Variants in MARCHF11 observed in about 807,000 individuals in gnomAD.
MARCHF11 encodes the protein membrane associated ring-CH-type finger 11, also known as E3 ubiquitin-protein ligase MARCHF11.
Under a neutral mutation model 37.3 loss-of-function variants are expected in MARCHF11, and 29 were observed. That is an observed-to-expected ratio of 0.78 (90% CI 0.58 to 1.06). The LOEUF is 1.06. MARCHF11 is among the 50% of genes least tolerant of loss of function. The pLI is 0.00. For synonymous variants in MARCHF11, 233 were observed against 228.0 expected (o/e 1.02, Z -0.20); for missense variants, 482 against 533.4 (o/e 0.90, Z 0.95).
rs557932082 is a variant in MARCHF11 at position 16,072,491 on chromosome 5, G to GCT, written c.887-4700_887-4699dup. Among the ~76,000 whole-genome samples the GCT allele has an allele frequency of 6.8e-3, 966 of 142,582 alleles. 16 individuals carry two copies. Among genetic ancestry groups the GCT allele is most frequent in the African/African-American group, 0.024 (882 of 36,810 alleles). 93.5% of individuals were successfully genotyped at this position (142,582 alleles called of 152,430 possible). ...TACTACAAAAAGAAGAGACATCAGT[G>GCT]CTCTCTCTCTCTCTCACTCTGTGTG... On this transcript the variant is annotated intron_variant, in intron 3 of 3. Coordinates refer to ENST00000332432, the MANE Select transcript of MARCHF11 (RefSeq NM_001102562.3).
chr5:16,145,549 A>G (rs1008395397), intron 2 of MARCHF11, among the ~76,000 whole-genome samples: 1 of 152,194 alleles, frequency 6.6e-6, no homozygotes, highest in African/African-American at 2.4e-5. Context: ...ATTTTATTAT[A>G]GCAATCCAAG....
chr5:16,067,508 C>T lies in MARCHF11; in HGVS notation c.1172G>A (p.Ser391Asn). ...CACTCTCATCACAACCTCCCCCGAG[C>T]TGTTATCTTCTGATAAGTCTTCATG... Reference protein sequence around the residue: ...RPHEDLSEDNSSGEVVMRVTS... With the variant: ...RPHEDLSEDNNSGEVVMRVTS... The change falls in exon 4 of 4, where the codon AGC (serine) becomes AAC (asparagine). Residue 391 changes from serine (S) to asparagine (N), a missense_variant. Ser to Asn is a conservative substitution (Grantham distance 46, BLOSUM62 1). Coordinates refer to ENST00000332432, the MANE Select transcript of MARCHF11 (RefSeq NM_001102562.3). The T allele has an allele frequency of 6.2e-7, 1 of 1,613,914 alleles. No homozygotes were observed. Among genetic ancestry groups the T allele is most frequent in the Non-Finnish European group, 8.5e-7 (1 of 1,179,804 alleles).
intron 2 of MARCHF11, among the ~76,000 whole-genome samples, chr5:16,140,859 C>G (rs1053375406): frequency 3.9e-5 from 6 of 152,298 alleles, no homozygotes; most frequent in Middle Eastern, 3.4e-3. Context: ...AAAGTTTATA[C>G]ATTCTTGATT....
chr5:16,154,268 T>C (rs74967104), intron 2 of MARCHF11, among the ~76,000 whole-genome samples: 4,918 of 151,988 alleles, frequency 0.032, 288 homozygotes, highest in African/African-American at 0.11. Flanking sequence ...TAAGGAGTAA[T>C]GTGAGCCATA....
At chr5:16,108,773 A>G (rs148381785) in intron 2 of MARCHF11, among the ~76,000 whole-genome samples, 1 of 152,232 alleles carries the variant, frequency 6.6e-6, no homozygotes, top group African/African-American at 2.4e-5. Flanking sequence ...GTTTATCTCC[A>G]AGTAGCTAAG....
chr5:16,118,054 T>C (rs75078103), intron 2 of MARCHF11, among the ~76,000 whole-genome samples: 11 of 152,174 alleles, frequency 7.2e-5, no homozygotes, highest in African/African-American at 2.4e-4. Context: ...AGCTAAAAGA[T>C]GGGTAAGAAT....
chr5:16,169,391 G>A (rs1328177650), intron 2 of MARCHF11, among the ~76,000 whole-genome samples: 1 of 152,018 alleles, frequency 6.6e-6, no homozygotes, highest in African/African-American at 2.4e-5. Context: ...TCGTTATAAG[G>A]AAGGGACATC....
rs529383419 is a variant in MARCHF11, at chr5:16,175,167, T to C, written c.693+2559A>G. Among the ~76,000 whole-genome samples, 22 of 152,308 alleles carry C rather than the reference T, an allele frequency of 1.4e-4. No individual in the cohort carries two copies. In the South Asian group the frequency reaches 4.6e-3, roughly 32 times the overall value. On this transcript the variant is annotated intron_variant, in intron 2 of 3. Coordinates refer to ENST00000332432, the MANE Select transcript of MARCHF11 (RefSeq NM_001102562.3). The stretch of plus-strand genomic sequence containing the variant: ...ATCTGGTTAAGCCTCTGGATGATGA[T>C]AGCTTCAGGTGATGTTGCATGCAGA...
chr5:16,095,178 G>A (rs1736845501), intron 2 of MARCHF11, among the ~76,000 whole-genome samples: 1 of 152,162 alleles, frequency 6.6e-6, no homozygotes, highest in African/African-American at 2.4e-5. Flanking sequence ...AAGCTTCCCA[G>A]TCTGTCTTCT....
intron 2 of MARCHF11, among the ~76,000 whole-genome samples, chr5:16,138,839 TG>T (rs1349005777): frequency 6.6e-6 from 1 of 152,208 alleles, no homozygotes; most frequent in Non-Finnish European, 1.5e-5. Context: ...TGGGCTTCCA[TG>T]GGGCCTGCAA....
chr5:16,103,883 G>A (rs528426669), intron 2 of MARCHF11, among the ~76,000 whole-genome samples: 11 of 152,288 alleles, frequency 7.2e-5, no homozygotes, highest in African/African-American at 2.4e-4. Flanking sequence ...AAGGGGCACC[G>A]AGGAACTAGG....
chr5:16,070,468 C>T lies in MARCHF11; in HGVS notation c.887-2675G>A, dbSNP rs554086416. On this transcript the variant is annotated intron_variant, in intron 3 of 3. Transcript: ENST00000332432. Reference sequence around the variant, plus strand: ...CACTAATCCCAAAACAATTACAGCCCGAGACAGGTTCATTCTGGGCAAGTC... The same window carrying T: ...CACTAATCCCAAAACAATTACAGCCTGAGACAGGTTCATTCTGGGCAAGTC... 4.6e-5 allele frequency among the ~76,000 whole-genome samples: 7 copies of T among 152,250 alleles called. No homozygotes were observed. In the South Asian group the frequency reaches 6.2e-4, roughly 14 times the overall value.
intron 2 of MARCHF11, among the ~76,000 whole-genome samples, chr5:16,156,730 G>A (rs2126601617): frequency 6.6e-6 from 1 of 151,962 alleles, no homozygotes; most frequent in East Asian, 1.9e-4. Flanking sequence ...AAACATCAGA[G>A]TGTACTTACA....
intron 2 of MARCHF11, among the ~76,000 whole-genome samples, chr5:16,151,851 G>C (rs1737896138): frequency 6.6e-6 from 1 of 150,868 alleles, no homozygotes; most frequent in African/African-American, 2.5e-5. Context: ...ATAAAATAAT[G>C]AGTTTTTTAG....
chr5:16,086,604 CA>C (rs1424556434), intron 3 of MARCHF11, among the ~76,000 whole-genome samples: 1 of 152,158 alleles, frequency 6.6e-6, no homozygotes, highest in Admixed American at 6.5e-5. Flanking sequence ...CTCTATTTTG[CA>C]AATACCACTG....
intron 2 of MARCHF11, among the ~76,000 whole-genome samples, chr5:16,130,325 C>T (rs1044432948): frequency 2.0e-5 from 3 of 151,864 alleles, no homozygotes; most frequent in African/African-American, 7.3e-5. Context: ...CTCTGTCTTA[C>T]TAGCCAATAA....
At chr5:16,156,258 G>A (rs1371964706) in intron 2 of MARCHF11, among the ~76,000 whole-genome samples, 2 of 151,900 alleles carry the variant, frequency 1.3e-5, no homozygotes, top group African/African-American at 2.4e-5. Flanking sequence ...AGACTCTGAT[G>A]TGATACAAGA....
intron 2 of MARCHF11, among the ~76,000 whole-genome samples, chr5:16,091,586 A>G (rs1424979046): frequency 6.6e-6 from 1 of 152,234 alleles, no homozygotes. Flanking sequence ...ATAACACACT[A>G]GAATAATCAT....
At chr5:16,122,147 A>G (rs1054302642) in intron 2 of MARCHF11, among the ~76,000 whole-genome samples, 1 of 152,118 alleles carries the variant, frequency 6.6e-6, no homozygotes, top group African/African-American at 2.4e-5. Flanking sequence ...CTTCACATCA[A>G]TCACCCACAC....
Sources: gnomAD v4.1 joint callset for allele counts (sites outside exome capture counted in the v4.1 genomes callset) on GRCh38, gnomAD v4.1.1 for gene constraint, MANE v1.5 for transcripts, NCBI Gene and HGNC (gene_info 2026-07-23, HGNC 2026-07-21) for gene names.